Variants in PTPRD observed in about 807,000 individuals in gnomAD.
PTPRD encodes the protein receptor-type tyrosine-protein phosphatase delta.
Under a neutral mutation model 214.5 loss-of-function variants are expected in PTPRD, and 34 were observed. The ratio of observed to expected loss-of-function variants is 0.16; its 90% confidence interval spans 0.12 to 0.21. PTPRD has a LOEUF of 0.21. Ranked by LOEUF, PTPRD falls within the 10% of genes least tolerant of loss-of-function variation. PTPRD has a pLI of 1.00. For missense variants in PTPRD, 2,545 were observed against 2,398.7 expected, an observed-to-expected ratio of 1.06 and a Z score of -1.27; for synonymous variants, 1,128 against 845.7, an observed-to-expected ratio of 1.33 and a Z score of -5.79.
At chr9:8,581,572 C>A (rs1034081672) in intron 14 of PTPRD, among the ~76,000 whole-genome samples, 1 of 150,918 alleles carries the variant, frequency 6.6e-6, no homozygotes, top group African/African-American at 2.4e-5. Context: ...CACAGTGAAA[C>A]CCCATCTCTA....
At chr9:8,597,545 G>C (rs925261286) in intron 14 of PTPRD, among the ~76,000 whole-genome samples, 1 of 151,988 alleles carries the variant, frequency 6.6e-6, no homozygotes, top group Admixed American at 6.6e-5. Flanking sequence ...TTACAACAGT[G>C]AAAATAAAAG....
intron 5 of PTPRD, among the ~76,000 whole-genome samples, chr9:9,812,485 G>C (rs1431010226): frequency 1.3e-5 from 2 of 152,010 alleles, no homozygotes; most frequent in Admixed American, 6.6e-5. Context: ...GACAGAAAAA[G>C]ATATTCCATG....
intron 11 of PTPRD, among the ~76,000 whole-genome samples, chr9:8,766,833 T>C (rs1202737447): frequency 2.0e-5 from 3 of 152,214 alleles, no homozygotes; most frequent in Non-Finnish European, 2.9e-5. Flanking sequence ...AGAAGTTTCG[T>C]GATGTGTTTG....
intron 11 of PTPRD, among the ~76,000 whole-genome samples, chr9:8,835,606 T>C (rs543420576): frequency 1.1e-4 from 16 of 152,232 alleles, no homozygotes; most frequent in Non-Finnish European, 1.8e-4. Flanking sequence ...CATGGTTCAC[T>C]GCAGCCTCAA....
Position 10,336,716 on chromosome 9 carries a change from C to T in PTPRD, c.-545+4247G>A, listed in dbSNP as rs531729186. Among the ~76,000 whole-genome samples, 4 of 151,096 alleles carry T rather than the reference C, an allele frequency of 2.6e-5. No individual in the cohort carries two copies. The East Asian group carries it at 5.9e-4, about 22-fold the overall frequency. On this transcript the variant is annotated intron_variant, in intron 3 of 45. Transcript: ENST00000381196. ...AATCGAGGAGGGGAGACAAAAAAGT[C>T]GACAAATAACAATCGGCAGAAACTA...
At chr9:9,562,433 G>T (rs1047150478) in intron 8 of PTPRD, among the ~76,000 whole-genome samples, 4 of 152,116 alleles carry the variant, frequency 2.6e-5, no homozygotes, top group Non-Finnish European at 1.5e-5. Flanking sequence ...TGTCAACAGA[G>T]ATAATTACCT....
intron 4 of PTPRD, among the ~76,000 whole-genome samples, chr9:9,958,169 G>C (rs924028830): frequency 6.6e-6 from 1 of 152,188 alleles, no homozygotes; most frequent in Non-Finnish European, 1.5e-5. Context: ...AGTTTGGCAA[G>C]AAGTTTTCAG....
chr9:9,872,978 C>G (rs1600470881), intron 5 of PTPRD, among the ~76,000 whole-genome samples: 2 of 152,214 alleles, frequency 1.3e-5, no homozygotes, highest in Middle Eastern at 6.8e-3. Context: ...AATGTCTAAG[C>G]ACTTTACAAT....
intron 4 of PTPRD, among the ~76,000 whole-genome samples, chr9:9,978,018 C>T (rs1053904428): frequency 8.6e-5 from 13 of 151,742 alleles, no homozygotes; most frequent in Non-Finnish European, 1.8e-4. Flanking sequence ...GAAAAAAAGT[C>T]AAAGAGAACT....
At chr9:9,956,982 G>A (rs1040888745) in intron 4 of PTPRD, among the ~76,000 whole-genome samples, 1 of 152,116 alleles carries the variant, frequency 6.6e-6, no homozygotes, top group Non-Finnish European at 1.5e-5. Context: ...CTAGCTAAGG[G>A]TCAGAACCTA....
intron 10 of PTPRD, among the ~76,000 whole-genome samples, chr9:9,058,136 T>C (rs1481811613): frequency 1.3e-5 from 2 of 152,154 alleles, no homozygotes; most frequent in Non-Finnish European, 2.9e-5. Context: ...AATAAATAAG[T>C]ATTTAAATAT....
intron 5 of PTPRD, among the ~76,000 whole-genome samples, chr9:9,823,339 G>A (rs144839652): frequency 1.8e-4 from 27 of 152,102 alleles, no homozygotes; most frequent in African/African-American, 6.3e-4. Context: ...GAAAGAGTGA[G>A]GGCGGAGATG....
intron 3 of PTPRD, among the ~76,000 whole-genome samples, chr9:10,062,467 G>A (rs779918791): frequency 1.1e-4 from 17 of 151,970 alleles, no homozygotes; most frequent in Admixed American, 5.9e-4. Flanking sequence ...ATAGCTGGGC[G>A]TGGTGGCAGC....
At chr9:8,327,887 T>TTA (rs1367340570) in intron 44 of PTPRD, among the ~76,000 whole-genome samples, 4 of 152,280 alleles carry the variant, frequency 2.6e-5, no homozygotes, top group African/African-American at 9.6e-5. Context: ...CTCCATCCCT[T>TTA]TATTTTGAGC....
intron 7 of PTPRD, among the ~76,000 whole-genome samples, chr9:9,654,368 ATTATAT>A (rs2096456552): frequency 6.6e-6 from 1 of 152,108 alleles, no homozygotes; most frequent in South Asian, 2.1e-4. Flanking sequence ...CATTATGTAA[ATTATAT>A]TTATACACAT....
At chr9:8,454,441 T>G (rs996840194) in intron 33 of PTPRD, 9 of 761,134 alleles carry the variant, frequency 1.2e-5, no homozygotes, top group Non-Finnish European at 1.8e-5. Context: ...ACTGTGTATA[T>G]GTAGGCTTTG....
At chr9:10,401,240 A>C (rs1021936126) in intron 2 of PTPRD, among the ~76,000 whole-genome samples, 9 of 151,564 alleles carry the variant, frequency 5.9e-5, no homozygotes, top group Non-Finnish European at 1.3e-4. Context: ...GTGCTACTTT[A>C]TTTTATTTAA....
rs142004873 is a variant in PTPRD at position 8,453,771 on chromosome 9, A to G, written c.3876-3934T>C. The stretch of plus-strand genomic sequence containing the variant: ...CAATGCCTAGACTTTCTGATTTAGT[A>G]GGTCTGAGGCGGGGTCCAAGGGTGT... On this transcript the variant is annotated intron_variant, in intron 33 of 45. Coordinates refer to ENST00000381196, the MANE Select transcript of PTPRD (RefSeq NM_002839.4). Among the ~76,000 whole-genome samples the G allele has an allele frequency of 1.7e-4, 26 of 152,260 alleles. No homozygotes were observed. In the East Asian group the frequency reaches 4.6e-3, roughly 27 times the overall value.
intron 11 of PTPRD, among the ~76,000 whole-genome samples, chr9:8,983,424 C>A (rs139003332): frequency 6.6e-6 from 1 of 152,044 alleles, no homozygotes; most frequent in Non-Finnish European, 1.5e-5. Context: ...TAGCAAGAGT[C>A]TCAACCCGAG....
Sources: allele counts gnomAD v4.1 joint callset (sites outside exome capture counted in the v4.1 genomes callset), GRCh38; gene constraint gnomAD v4.1.1; transcripts MANE v1.5; gene names NCBI Gene and HGNC (gene_info 2026-07-23, HGNC 2026-07-21).